ANAPC11: variants seen among roughly 807,000 people sequenced by gnomAD.
ANAPC11 encodes anaphase promoting complex subunit 11, also known as anaphase-promoting complex subunit 11.
ANAPC11 carries 5 observed loss-of-function variants against 11.8 expected under a neutral mutation model. The ratio of observed to expected loss-of-function variants is 0.42; its 90% confidence interval spans 0.22 to 0.89. The LOEUF (loss-of-function observed/expected upper bound fraction) is 0.89. Among genes scored for constraint, ANAPC11 ranks in the 40% least tolerant of loss-of-function variants. The pLI is 0.28. For missense variants in ANAPC11, 68 were observed against 112.9 expected, an observed-to-expected ratio of 0.60 and a Z score of 1.80; for synonymous variants, 45 against 41.0, an observed-to-expected ratio of 1.10 and a Z score of -0.38.
intron 2 of ANAPC11, 127 bp downstream of exon 2, chr17:81,893,741 A>G (rs1020415252): frequency 7.0e-6 from 1 of 141,904 alleles, no homozygotes; most frequent in Non-Finnish European, 1.5e-5. Context: ...CCTCACAGAT[A>G]GTTCTTTTTT....
chr17:81,890,921 G>A (rs2039509986), upstream of ANAPC11: 13 of 1,539,704 alleles, frequency 8.4e-6, no homozygotes, highest in African/African-American at 1.4e-5. Flanking sequence ...CGGCCTGAGA[G>A]GATCCGGCCG....
At chr17:81,895,050 C>CTTTTTTTTTTTTTTT (rs766422017) in intron 3 of ANAPC11, among the ~76,000 whole-genome samples, 10 of 85,072 alleles carry the variant, frequency 1.2e-4, no homozygotes, top group African/African-American at 3.6e-4. Context: ...TCTTTCTTTT[C>CTTTTTTTTTTTTTTT]TTTTTTTTTT....
chr17:81,891,141 G>C, upstream of ANAPC11: 1 of 597,456 alleles, frequency 1.7e-6, no homozygotes. Flanking sequence ...ACCGGACCCC[G>C]AAAGAACGAC....
In ANAPC11 at chr17:81,894,467, G is replaced by T; in HGVS notation, c.-11G>T. On this transcript the variant is annotated splice_region_variant and 5_prime_UTR_variant, in exon 3 of 4. Coordinates refer to ENST00000344877, the MANE Select transcript of ANAPC11 (RefSeq NM_001002248.3). ...AGTCGTCCTGTTCCCTCCGCCGCAG[G>T]CTCTGCTGCCATGAAGGTGAAGATT... is the stretch of plus-strand genomic sequence containing the variant. 1.3e-6 allele frequency: 2 copies of T among 1,599,124 alleles called. No homozygotes were observed. The highest frequency in any genetic ancestry group is 2.2e-5 in the East Asian group (1 of 44,532).
At chr17:81,900,317 T>C (rs977116641), downstream of ANAPC11, 5 of 572,274 alleles carry the variant, frequency 8.7e-6, no homozygotes, top group Admixed American at 1.3e-4. Flanking sequence ...TGTTTTGATA[T>C]GAAAACTCTC....
intron 3 of ANAPC11, chr17:81,899,498 T>G (rs1240055840): frequency 6.2e-7 from 1 of 1,613,984 alleles, no homozygotes; most frequent in East Asian, 2.2e-5. Flanking sequence ...GTGACCTTTT[T>G]GGCATCACAG....
At chr17:81,900,488 C>G (rs968649339), downstream of ANAPC11, 4 of 248,532 alleles carry the variant, frequency 1.6e-5, no homozygotes, top group Non-Finnish European at 2.4e-5. Flanking sequence ...CTCCCTCAGG[C>G]TGGCTCTGAG....
intron 3 of ANAPC11, among the ~76,000 whole-genome samples, chr17:81,897,089 C>T (rs1264351398): frequency 1.3e-5 from 2 of 152,208 alleles, no homozygotes; most frequent in Non-Finnish European, 2.9e-5. Context: ...CAACTTCCGC[C>T]TCCCTAGTTC....
chr17:81,900,259 G>A, downstream of ANAPC11: 1 of 838,852 alleles, frequency 1.2e-6, no homozygotes, highest in Non-Finnish European at 1.8e-6. Context: ...AATCTTGCTG[G>A]AGGCCTCTGG....
intron 3 of ANAPC11, among the ~76,000 whole-genome samples, chr17:81,897,375 C>G (rs1362424388): frequency 6.6e-6 from 1 of 152,192 alleles, no homozygotes; most frequent in Non-Finnish European, 1.5e-5. Flanking sequence ...CTCAGGTGAT[C>G]CGTCCACCTC....
chr17:81,899,127 G>T, intron 3 of ANAPC11: 1 of 1,148,308 alleles, frequency 8.7e-7, no homozygotes, highest in Middle Eastern at 3.0e-4. Flanking sequence ...CTGGGGCTGG[G>T]ACTTGCTGTG....
chr17:81,895,333 G>GAACCACCGT (rs2039702237), intron 3 of ANAPC11, among the ~76,000 whole-genome samples: 1 of 151,930 alleles, frequency 6.6e-6, no homozygotes, highest in Non-Finnish European at 1.5e-5. Context: ...TTACAGGCGC[G>GAACCACCGT]AACCACCGTG....
chr17:81,899,814 G>A, intron 3 of ANAPC11, 106 bp from the exon 4 acceptor site: 1 of 1,185,220 alleles, frequency 8.4e-7, no homozygotes, highest in African/African-American at 1.5e-5. Flanking sequence ...AGGCTGCAGT[G>A]CTGGAGCCAC....
chr17:81,899,284 G>A lies in ANAPC11; in HGVS notation c.110-636G>A, dbSNP rs1455709373. The A allele has an allele frequency of 5.0e-6, 8 of 1,612,630 alleles. No individual in the cohort carries two copies. The highest frequency in any genetic ancestry group is 6.8e-6 in the Non-Finnish European group (8 of 1,180,022). On this transcript the variant is annotated intron_variant, in intron 3 of 3. Coordinates refer to ENST00000344877, the MANE Select transcript of ANAPC11 (RefSeq NM_001002248.3). ...AGCATTTCTAGGTGTTTGGGCTGGT[G>A]CCCGCAGCCTGTGCCTGTCCTGGGA...
intron 3 of ANAPC11, chr17:81,899,426 C>T: frequency 6.2e-6 from 10 of 1,613,994 alleles, no homozygotes; most frequent in Non-Finnish European, 2.5e-6. Context: ...CCCCTCCTGC[C>T]CTTGATCAAG....
At chr17:81,899,658 G>C (rs2039872117) in intron 3 of ANAPC11, 1 of 1,263,086 alleles carries the variant, frequency 7.9e-7, no homozygotes, top group African/African-American at 1.5e-5. Flanking sequence ...GATGAGCCTG[G>C]GTGAGGGGAG....
At chr17:81,899,384 T>A (rs1295964386) in intron 3 of ANAPC11, 1 of 1,613,926 alleles carries the variant, frequency 6.2e-7, no homozygotes, top group Non-Finnish European at 8.5e-7. Context: ...CCCTGATGTC[T>A]AGGGAAGAGT....
chr17:81,894,262 A>G, intron 2 of ANAPC11: 1 of 371,286 alleles, frequency 2.7e-6, no homozygotes, highest in African/African-American at 2.1e-5. Flanking sequence ...AAAAAAATTA[A>G]TAAAAATAAA....
intron 1 of ANAPC11, chr17:81,893,252 C>G (rs2039613855): frequency 6.6e-6 from 1 of 152,150 alleles, no homozygotes; most frequent in South Asian, 2.1e-4. Context: ...ACCACCACAC[C>G]CGGCTAATTT....
Sources: gnomAD v4.1 joint callset for allele counts (sites outside exome capture counted in the v4.1 genomes callset) on GRCh38, gnomAD v4.1.1 for gene constraint, MANE v1.5 for transcripts, NCBI Gene and HGNC (gene_info 2026-07-23, HGNC 2026-07-21) for gene names.